The following DENND2B variants were observed in gnomAD, a reference collection of about 807,000 sequenced individuals.
DENND2B encodes DENN domain-containing protein 2B.
Under a neutral mutation model 116.0 loss-of-function variants are expected in DENND2B, and 32 were observed. The observed-to-expected ratio is 0.28, with a 90% CI of 0.21 to 0.37. The LOEUF (loss-of-function observed/expected upper bound fraction) is 0.37. DENND2B is among the 10% of genes least tolerant of loss of function. The pLI is 1.00. For missense variants in DENND2B, 1,276 were observed against 1,477.7 expected (o/e 0.86, Z 2.24); for synonymous variants, 588 against 583.9 (o/e 1.01, Z -0.10).
rs142427653 is a variant in DENND2B at position 8,696,098 on chromosome 11, G to A, written c.3292+329C>T. ...CAACCACTGGGTTCTCAGAACCCCCGAAATTGCTCAGTCTGCTCCTTTTCT... is the reference window on the plus strand; with the variant it reads ...CAACCACTGGGTTCTCAGAACCCCCAAAATTGCTCAGTCTGCTCCTTTTCT... On this transcript the variant is annotated intron_variant, in intron 18 of 19. Coordinates refer to ENST00000313726, the MANE Select transcript of DENND2B (RefSeq NM_213618.2). 317 of 313,696 alleles carry A rather than the reference G, an allele frequency of 1.0e-3. 1 individual carries two copies. The highest frequency in any genetic ancestry group is 4.7e-3 in the African/African-American group (219 of 46,800). The allele number at this position is 313,696 out of a possible 1,614,324, so 19.4% of individuals were successfully genotyped here.
intron 1 of DENND2B, among the ~76,000 whole-genome samples, chr11:8,760,111 C>G (rs140364784): frequency 6.6e-6 from 1 of 152,292 alleles, no homozygotes; most frequent in African/African-American, 2.4e-5. Flanking sequence ...CAGCCCCTCT[C>G]TGCCTAACCT....
At chr11:8,862,920 A>G (rs192600959) in intron 2 of DENND2B, among the ~76,000 whole-genome samples, 1 of 152,216 alleles carries the variant, frequency 6.6e-6, no homozygotes, top group Admixed American at 6.5e-5. Flanking sequence ...CTGCTCCCAA[A>G]TTGGTTTTCT....
chr11:8,854,450 C>T (rs1430009046), intron 3 of DENND2B, among the ~76,000 whole-genome samples: 2 of 152,102 alleles, frequency 1.3e-5, no homozygotes, highest in Non-Finnish European at 2.9e-5. Flanking sequence ...GATCCACCTG[C>T]GTCGGCCTCC....
intron 3 of DENND2B, among the ~76,000 whole-genome samples, chr11:8,728,078 G>A (rs1458990530): frequency 1.3e-5 from 2 of 151,598 alleles, no homozygotes; most frequent in African/African-American, 2.4e-5. Context: ...GATCATACTC[G>A]CTGTACCCTC....
At chr11:8,742,630 G>A (rs1014518409) in intron 2 of DENND2B, among the ~76,000 whole-genome samples, 3 of 152,176 alleles carry the variant, frequency 2.0e-5, no homozygotes, top group African/African-American at 7.2e-5. Flanking sequence ...GCTGCCTACA[G>A]TAAAAAAGAG....
intron 1 of DENND2B, among the ~76,000 whole-genome samples, chr11:8,901,229 C>CTTTTTTTTTTTTTTTTTTTTTTTTT (rs1555223231): frequency 1.2e-5 from 1 of 83,922 alleles, no homozygotes; most frequent in African/African-American, 4.8e-5. Flanking sequence ...CTTTTCTTTT[C>CTTTTTTTTTTTTTTTTTTTTTTTTT]TTTTTTTTTT....
intron 1 of DENND2B, among the ~76,000 whole-genome samples, chr11:8,778,732 CCTCT>C (rs2134238367): frequency 6.6e-6 from 1 of 152,328 alleles, no homozygotes; most frequent in Non-Finnish European, 1.5e-5. Context: ...CCGGCCATCA[CCTCT>C]CTCTCTTCTT....
chr11:8,859,136 T>G (rs943973038), intron 2 of DENND2B, among the ~76,000 whole-genome samples: 4 of 152,230 alleles, frequency 2.6e-5, no homozygotes, highest in African/African-American at 9.6e-5. Context: ...CCCCTGTATG[T>G]ATCAATAACT....
At chr11:8,869,277 C>A (rs2063692108) in intron 2 of DENND2B, among the ~76,000 whole-genome samples, 1 of 152,196 alleles carries the variant, frequency 6.6e-6, no homozygotes, top group South Asian at 2.1e-4. Flanking sequence ...AAAATGGGTG[C>A]CCTTCTGGCC....
At chr11:8,766,596 G>C (rs1164127517) in intron 1 of DENND2B, 13 of 1,287,762 alleles carry the variant, frequency 1.0e-5, no homozygotes, top group Non-Finnish European at 1.3e-5. Flanking sequence ...CCACTGAAAG[G>C]CCAACTCAGG....
rs1216773863 is a variant in DENND2B at position 8,712,438 on chromosome 11, AG to A, written c.2172+112del. On this transcript the variant is annotated intron_variant, in intron 9 of 19. Coordinates refer to ENST00000313726, the MANE Select transcript of DENND2B (RefSeq NM_213618.2). The surrounding 1 kb of genome is among the most constrained non-coding windows in gnomAD (Gnocchi z 4.4). ...GAGGAGGCAGGTTCAGGGCTGTGGC[AG>A]CTCGGTGAGGACGTATGACGAACAA... 5.6e-6 allele frequency: 7 copies of A among 1,240,510 alleles called. No individual in the cohort carries two copies. The African/African-American group carries it at 1.1e-4, about 19-fold the overall frequency. The allele number at this position is 1,240,510 out of a possible 1,614,324, so 76.8% of individuals were successfully genotyped here.
chr11:8,700,063 C>T, intron 14 of DENND2B: 1 of 422,410 alleles, frequency 2.4e-6, no homozygotes, highest in South Asian at 1.6e-5. Flanking sequence ...GGGAGCTGGC[C>T]TGGGGGGGGG....
At chr11:8,769,590 G>A (rs542856424) in intron 1 of DENND2B, among the ~76,000 whole-genome samples, 2 of 152,144 alleles carry the variant, frequency 1.3e-5, no homozygotes, top group South Asian at 2.1e-4. Flanking sequence ...TCCCATAAGC[G>A]TCTCGTCTTA....
At chr11:8,875,417 A>AT (rs1004627821), upstream of DENND2B, among the ~76,000 whole-genome samples, 153 of 146,638 alleles carry the variant, frequency 1.0e-3, no homozygotes, top group African/African-American at 2.9e-3. Flanking sequence ...TGACACTGTG[A>AT]TTTTTTTTTT....
At chr11:8,779,474 C>CGG (rs2134242754) in intron 1 of DENND2B, among the ~76,000 whole-genome samples, 2 of 151,390 alleles carry the variant, frequency 1.3e-5, no homozygotes, top group African/African-American at 4.8e-5. Context: ...AAAGCATGCT[C>CGG]GGGGTTTCCT....
chr11:8,883,505 C>A (rs1289383238), intron 1 of DENND2B, among the ~76,000 whole-genome samples: 1 of 152,116 alleles, frequency 6.6e-6, no homozygotes, highest in Non-Finnish European at 1.5e-5. Context: ...CCAAATCTTA[C>A]ATTTTCTTTT....
chr11:8,780,220 A>G (rs1009066283), intron 1 of DENND2B, among the ~76,000 whole-genome samples: 1 of 152,230 alleles, frequency 6.6e-6, no homozygotes, highest in Non-Finnish European at 1.5e-5. Flanking sequence ...CAAATGCATC[A>G]GGTATGGGTC....
intron 1 of DENND2B, among the ~76,000 whole-genome samples, chr11:8,772,964 T>C (rs572039669): frequency 2.0e-5 from 3 of 152,306 alleles, no homozygotes; most frequent in Non-Finnish European, 2.9e-5. Context: ...AGAAGAGCTG[T>C]TTATCCCTCT....
At chr11:8,698,411 G>A (rs1014160852) in intron 16 of DENND2B, among the ~76,000 whole-genome samples, 1 of 152,212 alleles carries the variant, frequency 6.6e-6, no homozygotes, top group African/African-American at 2.4e-5. Context: ...TCCGTCATTG[G>A]TGTGTAACAG....
Sources: allele counts gnomAD v4.1 joint callset (sites outside exome capture counted in the v4.1 genomes callset), GRCh38; gene constraint gnomAD v4.1.1; non-coding constraint Gnocchi (gnomAD v3.1); transcripts MANE v1.5; gene names NCBI Gene and HGNC (gene_info 2026-07-23, HGNC 2026-07-21).